Variants in ASTN2 observed in about 807,000 individuals in gnomAD.
ASTN2 encodes astrotactin-2.
Under a neutral mutation model 139.8 loss-of-function variants are expected in ASTN2, and 54 were observed. The observed-to-expected ratio is 0.39, with a 90% CI of 0.31 to 0.48. ASTN2 has a LOEUF of 0.48. ASTN2 is among the 20% of genes least tolerant of loss of function. ASTN2 has a pLI of 0.95. For synonymous variants in ASTN2, 756 were observed against 719.5 expected (o/e 1.05, Z -0.81); for missense variants, 1,565 against 1,725.1 (o/e 0.91, Z 1.64).
At chr9:117,091,270 A>ATCAT (rs941794678) in intron 5 of ASTN2, among the ~76,000 whole-genome samples, 15 of 152,294 alleles carry the variant, frequency 9.8e-5, no homozygotes, top group African/African-American at 3.6e-4. Context: ...ACATTCACTC[A>ATCAT]TCATTCATTC....
At chr9:117,007,415 TG>T (rs1837388926) in intron 7 of ASTN2, among the ~76,000 whole-genome samples, 2 of 152,216 alleles carry the variant, frequency 1.3e-5, no homozygotes, top group African/African-American at 2.4e-5. Flanking sequence ...TGTGTGGCTA[TG>T]GAACACTTGA....
intron 5 of ASTN2, among the ~76,000 whole-genome samples, chr9:117,040,352 A>G (rs1838523131): frequency 6.6e-6 from 1 of 152,262 alleles, no homozygotes; most frequent in Non-Finnish European, 1.5e-5. Context: ...AGTAGAGTCT[A>G]GTGAAATAAG....
intron 19 of ASTN2, among the ~76,000 whole-genome samples, chr9:116,525,761 T>C (rs577042349): frequency 1.3e-5 from 2 of 152,284 alleles, no homozygotes; most frequent in South Asian, 4.1e-4. Context: ...ACTCCTACTA[T>C]ACTGTCTCCT....
At chr9:117,270,429 T>A (rs1834036498) in intron 2 of ASTN2, among the ~76,000 whole-genome samples, 1 of 152,192 alleles carries the variant, frequency 6.6e-6, no homozygotes, top group Non-Finnish European at 1.5e-5. Context: ...ATAAGTGGAA[T>A]CATAAAGTAT....
intron 19 of ASTN2, among the ~76,000 whole-genome samples, chr9:116,563,244 G>T (rs1052682065): frequency 3.8e-4 from 58 of 151,946 alleles, no homozygotes; most frequent in African/African-American, 1.3e-3. Context: ...GTGCGGGGGT[G>T]GGTGCCTATA....
intron 10 of ASTN2, among the ~76,000 whole-genome samples, chr9:116,965,809 G>A (rs549656512): frequency 7.2e-4 from 109 of 152,308 alleles, no homozygotes; most frequent in Middle Eastern, 3.4e-3. Flanking sequence ...TGATGAATGG[G>A]TAGATGGATG....
chr9:117,250,113 A>ATTC (rs1833497074), intron 2 of ASTN2, among the ~76,000 whole-genome samples: 1 of 152,156 alleles, frequency 6.6e-6, no homozygotes, highest in South Asian at 2.1e-4. Context: ...GCTTCTTATG[A>ATTC]ATTTCATTTC....
chr9:116,644,341 G>A (rs1452914490), intron 17 of ASTN2, among the ~76,000 whole-genome samples: 1 of 152,124 alleles, frequency 6.6e-6, no homozygotes, highest in East Asian at 1.9e-4. Flanking sequence ...AACAGAAAAT[G>A]CTCACAGGAT....
At chr9:116,885,156 T>C (rs965121001) in intron 10 of ASTN2, among the ~76,000 whole-genome samples, 2 of 152,048 alleles carry the variant, frequency 1.3e-5, no homozygotes, top group African/African-American at 4.8e-5. Flanking sequence ...AGAGGTTAGT[T>C]AATGGGTATA....
chr9:117,007,964 A>G (rs1837404761), intron 7 of ASTN2, 128 bp downstream of exon 7: 1 of 1,026,374 alleles, frequency 9.7e-7, no homozygotes, highest in Non-Finnish European at 1.3e-6. Flanking sequence ...TATTAGATTG[A>G]TGGGCCTTCT....
At chr9:116,532,955 A>C (rs113874373) in intron 19 of ASTN2, among the ~76,000 whole-genome samples, 10 of 152,280 alleles carry the variant, frequency 6.6e-5, no homozygotes, top group African/African-American at 2.4e-4. Context: ...CTTGGGCAGT[A>C]TGGCCATTTT....
chr9:117,226,634 T>C (rs1320814012), intron 2 of ASTN2, among the ~76,000 whole-genome samples: 2 of 152,086 alleles, frequency 1.3e-5, no homozygotes, highest in Non-Finnish European at 2.9e-5. Context: ...AGGGTGGCCA[T>C]AGCAAGCAAA....
At chr9:116,937,537 T>G (rs1835114009) in intron 10 of ASTN2, among the ~76,000 whole-genome samples, 1 of 152,222 alleles carries the variant, frequency 6.6e-6, no homozygotes, top group African/African-American at 2.4e-5. Context: ...TATTCTCTAC[T>G]GCCTAGCCCA....
intron 3 of ASTN2, among the ~76,000 whole-genome samples, chr9:117,172,032 G>A (rs151032822): frequency 1.9e-3 from 282 of 152,154 alleles, no homozygotes; most frequent in African/African-American, 6.4e-3. Context: ...ACAAAATAAC[G>A]CATCTGTAGG....
chr9:116,847,007 C>CAAAAAAAAAAAAAAAAAA (rs11302692), intron 11 of ASTN2, among the ~76,000 whole-genome samples: 1 of 75,878 alleles, frequency 1.3e-5, no homozygotes, highest in African/African-American at 4.9e-5. Context: ...GCTTCATTCT[C>CAAAAAAAAAAAAAAAAAA]AAAAAAAAAA....
At chr9:117,079,183 C>G (rs933474194) in intron 5 of ASTN2, among the ~76,000 whole-genome samples, 3 of 152,150 alleles carry the variant, frequency 2.0e-5, no homozygotes, top group Non-Finnish European at 4.4e-5. Flanking sequence ...TAGTAAGATC[C>G]TGCCTCTACA....
intron 6 of ASTN2, among the ~76,000 whole-genome samples, chr9:117,027,705 A>G (rs988316273): frequency 6.6e-6 from 1 of 152,044 alleles, no homozygotes; most frequent in African/African-American, 2.4e-5. Context: ...TTCCCTGACA[A>G]CCTGGCTGAC....
intron 5 of ASTN2, among the ~76,000 whole-genome samples, chr9:117,058,181 T>C (rs1355562420): frequency 6.6e-6 from 1 of 152,154 alleles, no homozygotes; most frequent in Non-Finnish European, 1.5e-5. Context: ...TAATATTTGA[T>C]AAAAGAATAA....
chr9:116,668,841 G>C (rs542307634), intron 16 of ASTN2, among the ~76,000 whole-genome samples: 1 of 152,284 alleles, frequency 6.6e-6, no homozygotes, highest in South Asian at 2.1e-4. Context: ...GGGCTTAGTG[G>C]GCTAGAAATG....
Sources: gnomAD v4.1 joint callset for allele counts (sites outside exome capture counted in the v4.1 genomes callset) on GRCh38, gnomAD v4.1.1 for gene constraint, MANE v1.5 for transcripts, NCBI Gene and HGNC (gene_info 2026-07-23, HGNC 2026-07-21) for gene names.